The following DAPK1 variants were observed in gnomAD, a reference collection of about 807,000 sequenced individuals.
DAPK1 encodes the protein death associated protein kinase 1.
A neutral mutation model predicts 144.9 loss-of-function variants in DAPK1; 56 were observed. That is an observed-to-expected ratio of 0.39 (90% confidence interval 0.31 to 0.48). The LOEUF (loss-of-function observed/expected upper bound fraction) is 0.48, where lower values mean the gene tolerates loss of function less well. DAPK1 is among the 20% of genes least tolerant of loss of function. DAPK1 has a pLI of 0.95. For synonymous variants in DAPK1, 690 were observed against 749.0 expected (o/e 0.92, Z 1.29); for missense variants, 1,454 against 1,875.4 (o/e 0.78, Z 4.15).
At chr9:87,602,064 G>A (rs1166333537) in intron 2 of DAPK1, among the ~76,000 whole-genome samples, 4 of 152,162 alleles carry the variant, frequency 2.6e-5, no homozygotes, top group African/African-American at 9.7e-5. Context: ...AACAGCAGGT[G>A]CCCCTGAGGG....
intron 2 of DAPK1, among the ~76,000 whole-genome samples, chr9:87,510,122 C>T (rs1441292899): frequency 2.6e-5 from 4 of 152,158 alleles, no homozygotes; most frequent in African/African-American, 9.7e-5. Flanking sequence ...AGTGGAATAT[C>T]TACAGGATGA....
At chr9:87,619,654 G>A (rs573015714) in intron 3 of DAPK1, among the ~76,000 whole-genome samples, 4 of 152,304 alleles carry the variant, frequency 2.6e-5, no homozygotes, top group African/African-American at 7.2e-5. Context: ...GGATTGAGAC[G>A]CAGGACCATG....
intron 2 of DAPK1, among the ~76,000 whole-genome samples, chr9:87,580,869 T>A (rs937407987): frequency 6.6e-6 from 1 of 152,220 alleles, no homozygotes; most frequent in Admixed American, 6.5e-5. Flanking sequence ...AGTATGGGTC[T>A]GTCAGCATGT....
At chr9:87,641,775 C>T (rs1172850167) in intron 9 of DAPK1, among the ~76,000 whole-genome samples, 194 bp from the exon 10 acceptor site, 1 of 152,170 alleles carries the variant, frequency 6.6e-6, no homozygotes, top group East Asian at 1.9e-4. Context: ...ATGGATGATA[C>T]GAAACCCTGA....
At chr9:87,532,552 A>T (rs186492462) in intron 2 of DAPK1, among the ~76,000 whole-genome samples, 1 of 152,324 alleles carries the variant, frequency 6.6e-6, no homozygotes, top group Admixed American at 6.5e-5. Flanking sequence ...AAAATCTAAA[A>T]TGTATTCATT....
chr9:87,601,649 A>G (rs1409377199), intron 2 of DAPK1, among the ~76,000 whole-genome samples: 1 of 152,128 alleles, frequency 6.6e-6, no homozygotes, highest in Non-Finnish European at 1.5e-5. Context: ...CAGATTAATA[A>G]TAGCTAACAG....
chr9:87,541,473 A>G (rs1309003157), intron 2 of DAPK1, among the ~76,000 whole-genome samples: 1 of 151,656 alleles, frequency 6.6e-6, no homozygotes. Context: ...TGCTTGAACC[A>G]GGGAGGCAAA....
At chr9:87,640,005 A>G (rs188995815) in intron 7 of DAPK1, among the ~76,000 whole-genome samples, 190 bp downstream of exon 7, 17 of 152,342 alleles carry the variant, frequency 1.1e-4, no homozygotes, top group Non-Finnish European at 1.0e-4. Flanking sequence ...GAAATGAGTC[A>G]TCAGAAACTG....
At chr9:87,625,794 C>A (rs944150573) in intron 3 of DAPK1, among the ~76,000 whole-genome samples, 1 of 152,092 alleles carries the variant, frequency 6.6e-6, no homozygotes, top group Non-Finnish European at 1.5e-5. Context: ...TAAGTTTGAC[C>A]GCATTCAAAT....
chr9:87,679,337 C>T (rs1824517320), intron 19 of DAPK1, among the ~76,000 whole-genome samples: 1 of 151,992 alleles, frequency 6.6e-6, no homozygotes, highest in African/African-American at 2.4e-5. Flanking sequence ...ACCCACAAAG[C>T]AGGTTAAAGC....
intron 2 of DAPK1, among the ~76,000 whole-genome samples, chr9:87,526,522 A>G (rs1032174317): frequency 2.0e-5 from 3 of 152,232 alleles, no homozygotes; most frequent in African/African-American, 7.2e-5. Flanking sequence ...TTGTATGAAT[A>G]TGCTACAGTC....
chr9:87,530,451 G>T (rs188235045), intron 2 of DAPK1, among the ~76,000 whole-genome samples: 1 of 152,188 alleles, frequency 6.6e-6, no homozygotes, highest in Non-Finnish European at 1.5e-5. Context: ...AACAACCTCA[G>T]TGTCTCCAAG....
chr9:87,536,565 TAACAC>T (rs1461574951), intron 2 of DAPK1, among the ~76,000 whole-genome samples: 1 of 152,074 alleles, frequency 6.6e-6, no homozygotes, highest in Non-Finnish European at 1.5e-5. Context: ...AACCAATAAA[TAACAC>T]AATAAAAATT....
At chr9:87,575,213 CAATAAAATAA>C (rs10522915) in intron 2 of DAPK1, among the ~76,000 whole-genome samples, 23,132 of 130,750 alleles carry the variant, frequency 0.18, 2,393 homozygotes, top group East Asian at 0.3. Flanking sequence ...GACTCCATCT[CAATAAAATAA>C]AATAAAATAA....
At chr9:87,561,360 C>A (rs538687166) in intron 2 of DAPK1, among the ~76,000 whole-genome samples, 7 of 152,016 alleles carry the variant, frequency 4.6e-5, no homozygotes, top group African/African-American at 7.2e-5. Context: ...CCTCGTCTCT[C>A]CTAAAAATAC....
At chr9:87,622,315 A>G (rs1031430453) in intron 3 of DAPK1, among the ~76,000 whole-genome samples, 6 of 151,498 alleles carry the variant, frequency 4.0e-5, no homozygotes, top group African/African-American at 9.7e-5. Flanking sequence ...AGGTGTGACA[A>G]CCTCCTACAC....
At chr9:87,527,456 C>T (rs1177577208) in intron 2 of DAPK1, among the ~76,000 whole-genome samples, 24 of 152,160 alleles carry the variant, frequency 1.6e-4, no homozygotes, top group Non-Finnish European at 1.9e-4. Context: ...CGGCCTTACA[C>T]GGATGACCAT....
intron 11 of DAPK1, 56 bp from the exon 12 acceptor site, chr9:87,645,839 A>T: frequency 1.9e-6 from 3 of 1,595,252 alleles, no homozygotes; most frequent in Non-Finnish European, 2.6e-6. Context: ...TTATGTTGGT[A>T]AGAAAAGCAT....
intron 2 of DAPK1, among the ~76,000 whole-genome samples, chr9:87,594,962 C>T (rs1359740882): frequency 1.3e-5 from 2 of 152,212 alleles, no homozygotes; most frequent in Admixed American, 1.3e-4. Context: ...CCTCCCACCT[C>T]CACCTCTGTG....
Sources: gnomAD v4.1 joint callset for allele counts (sites outside exome capture counted in the v4.1 genomes callset) on GRCh38, gnomAD v4.1.1 for gene constraint, MANE v1.5 for transcripts, NCBI Gene and HGNC (gene_info 2026-07-23, HGNC 2026-07-21) for gene names.